Variants in RNF31 observed in about 807,000 individuals in gnomAD.
The protein encoded by RNF31 is ring finger protein 31.
RNF31 carries 38 observed loss-of-function variants against 133.6 expected under a neutral mutation model. The observed-to-expected ratio is 0.28, with a 90% CI of 0.22 to 0.37. The LOEUF is 0.37. Among genes scored for constraint, RNF31 ranks in the 10% least tolerant of loss-of-function variants. RNF31 has a pLI of 1.00. For missense variants in RNF31, 1,118 were observed against 1,394.1 expected, an observed-to-expected ratio of 0.80 and a Z score of 3.15; for synonymous variants, 582 against 552.3, an observed-to-expected ratio of 1.05 and a Z score of -0.75.
At chr14:24,152,572 C>T (rs1372420069) in intron 11 of RNF31, among the ~76,000 whole-genome samples, 2 of 134,476 alleles carry the variant, frequency 1.5e-5, no homozygotes, top group East Asian at 4.8e-4. Flanking sequence ...GCACCCGCCA[C>T]CACACTCGGC....
chr14:24,158,000 A>G lies in RNF31; in HGVS notation c.2830A>G (p.Lys944Glu). The G allele has an allele frequency of 6.2e-7, 1 of 1,614,100 alleles. No individual in the cohort carries two copies. Among genetic ancestry groups the G allele is most frequent in the African/African-American group, 1.3e-5 (1 of 75,040 alleles). The change falls in exon 17 of 21, where the codon AAG becomes GAG. Residue 944 changes from lysine to glutamate, a missense_variant. Transcript: ENST00000324103. ...LRDWTALRLQKLLQDNNVMFN... is the reference protein window; with the variant it reads ...LRDWTALRLQELLQDNNVMFN... The stretch of plus-strand genomic sequence containing the variant: ...GGACTGGACTGCTCTCCGGCTTCAG[A>G]AGCTGCTACAGGTCAGAGGTGGCCA...
Position 24,148,855 on chromosome 14 carries a change from C to G in RNF31, c.610C>G (p.Leu204Val). 1 of 1,614,158 alleles carries G rather than the reference C, an allele frequency of 6.2e-7. No homozygotes were observed. The highest frequency in any genetic ancestry group is 8.5e-7 in the Non-Finnish European group (1 of 1,179,974). ...PLLREIAPGP[L>V]TTPSVPGSTP... ...ATTGAGAGAGATTGCTCCTGGCCCC[C>G]TCACCACACCCTCTGTCCCAGGTAT... is the stretch of plus-strand genomic sequence containing the variant. The change falls in exon 5 of 21, where the codon CTC becomes GTC. Residue 204 changes from leucine (L) to valine (V), a missense_variant. This residue lies in a region of RNF31 where 747 missense variants were observed against 827.9 expected (regional missense o/e 0.90). Transcript: ENST00000324103.
chr14:24,159,604 A>AC (rs2038413081), intron 18 of RNF31, among the ~76,000 whole-genome samples: 2 of 147,868 alleles, frequency 1.4e-5, no homozygotes, highest in Admixed American at 6.7e-5. Flanking sequence ...AAAAAAAAAA[A>AC]AACACTATCT....
At chr14:24,149,082 G>A (rs1451623580) in intron 5 of RNF31, 7 of 617,408 alleles carry the variant, frequency 1.1e-5, no homozygotes, top group Admixed American at 2.8e-5. Context: ...TCCTGCCTCA[G>A]CCTCCCGAGT....
intron 16 of RNF31, 82 bp from the exon 17 acceptor site, chr14:24,157,816 T>TA (rs2038368398): frequency 8.2e-7 from 1 of 1,226,498 alleles, no homozygotes; most frequent in Admixed American, 1.7e-5. Flanking sequence ...CCCTCACCCT[T>TA]ACACCCCTCA....
intron 11 of RNF31, among the ~76,000 whole-genome samples, chr14:24,152,286 G>A (rs1261441108): frequency 6.6e-6 from 1 of 152,086 alleles, no homozygotes; most frequent in East Asian, 1.9e-4. Context: ...TCAAGCTTCA[G>A]CAATTGTCAA....
At chr14:24,150,008 G>A in intron 6 of RNF31, 53 bp from the exon 7 acceptor site, 1 of 1,514,278 alleles carries the variant, frequency 6.6e-7, no homozygotes, top group Non-Finnish European at 8.8e-7. Flanking sequence ...AGAGGTGAGG[G>A]ATCCAGGCAC....
At chr14:24,154,886 C>T (rs1414045530) in intron 11 of RNF31, 6 of 485,984 alleles carry the variant, frequency 1.2e-5, no homozygotes, top group East Asian at 7.1e-5. Flanking sequence ...TTTGTCATTT[C>T]AAGCATGTTA....
At chr14:24,158,529 T>G in intron 18 of RNF31, 1 of 368,928 alleles carries the variant, frequency 2.7e-6, no homozygotes, top group Non-Finnish European at 5.0e-6. Flanking sequence ...CTGTTTTAGG[T>G]TCCATGAGGG....
rs199632413 is a variant in RNF31 at position 24,151,757 on chromosome 14, T to A, written c.1924-29T>A. On this transcript the variant is annotated intron_variant, in intron 10 of 20. Coordinates refer to ENST00000324103, the MANE Select transcript of RNF31 (RefSeq NM_017999.5). This position sits in a 1 kb window ranked among gnomAD's most constrained non-coding sequence, Gnocchi z 5.3. ...AAGGGTCCCTGGAGTCTGACAGCAC[T>A]TCCCCCCTCCACCTGAATCATATTG... 1.0e-4 allele frequency: 164 copies of A among 1,600,782 alleles called. 1 individual carries two copies. The Admixed American group carries it at 2.7e-3, about 26-fold the overall frequency.
In RNF31 at chr14:24,160,284, G is replaced by A. The variant is rs760202729; in HGVS notation, c.3042G>A (p.Ser1014=). Residue 1014 remains serine, a synonymous_variant, in exon 20 of 21, where the codon TCG becomes TCA. Coordinates refer to ENST00000324103, the MANE Select transcript of RNF31 (RefSeq NM_017999.5). The surrounding 1 kb of genome is among the most constrained non-coding windows in gnomAD (Gnocchi z 4.0). ...EYLVSLINAH[S]LDPATLYEVE... ...TTGTGAGCCTCATCAATGCCCACTC[G>A]CTGGACCCAGCCACCTTGTATGAGG... is the stretch of plus-strand genomic sequence containing the variant. 71 of 1,613,960 alleles carry A rather than the reference G, an allele frequency of 4.4e-5. No individual in the cohort carries two copies. Among genetic ancestry groups the A allele is most frequent in the Non-Finnish European group, 5.5e-5 (65 of 1,180,014 alleles).
intron 18 of RNF31, chr14:24,158,863 C>G (rs1193901662): frequency 1.3e-5 from 2 of 151,238 alleles, no homozygotes; most frequent in African/African-American, 4.9e-5. Context: ...GAAACCCCAT[C>G]TCTACTAAAA....
intron 7 of RNF31, 49 bp from the exon 8 acceptor site, chr14:24,150,549 G>A (rs2038248518): frequency 6.3e-7 from 1 of 1,584,010 alleles, no homozygotes; most frequent in East Asian, 2.2e-5. Context: ...TATTTCTGTT[G>A]TGAACTTCAG....
At chr14:24,149,710 GA>G (rs1299582134) in intron 6 of RNF31, 127 bp downstream of exon 6, 2 of 969,604 alleles carry the variant, frequency 2.1e-6, no homozygotes, top group Admixed American at 5.4e-5. Context: ...TCAGAACCCT[GA>G]AAGAGATAAT....
At chr14:24,149,141 T>G in intron 5 of RNF31, 3 of 593,540 alleles carry the variant, frequency 5.1e-6, no homozygotes, top group African/African-American at 1.9e-5. Flanking sequence ...TTTTGTATTT[T>G]TGGTAGAGAT....
At chr14:24,154,339 T>C (rs2038311400) in intron 11 of RNF31, among the ~76,000 whole-genome samples, 1 of 152,092 alleles carries the variant, frequency 6.6e-6, no homozygotes, top group African/African-American at 2.4e-5. Context: ...GTATTTTTAG[T>C]AGAGACGGGT....
Position 24,151,989 on chromosome 14 carries a change from C to T in RNF31, c.2127C>T (p.Asn709=), listed in dbSNP as rs1281965799. 1.2e-6 allele frequency: 2 copies of T among 1,613,666 alleles called. No homozygotes were observed. The highest frequency in any genetic ancestry group is 1.7e-4 in the Middle Eastern group (1 of 6,060). The change falls in exon 11 of 21, where the codon AAC becomes AAT. Residue 709 remains asparagine, a synonymous_variant. Transcript: ENST00000324103. The surrounding 1 kb of genome is among the most constrained non-coding windows in gnomAD (Gnocchi z 5.3). ...CAVCGWALPH[N]RMQALTSCEC... ...TGTGTGGCTGGGCCCTGCCCCACAA[C>T]CGGGTAAGTCCCTCCCCACGATACC...
intron 18 of RNF31, among the ~76,000 whole-genome samples, chr14:24,159,597 A>C (rs868023442): frequency 3.8e-4 from 55 of 146,018 alleles, no homozygotes; most frequent in African/African-American, 1.3e-3. Context: ...AAAAAAAAAA[A>C]AAAAAAAAAC....
chr14:24,157,139 G>A, intron 14 of RNF31, 151 bp from the exon 15 acceptor site: 1 of 595,602 alleles, frequency 1.7e-6, no homozygotes. Context: ...AAAGGACCAA[G>A]GATGGCCTCT....
Sources: allele counts gnomAD v4.1 joint callset (sites outside exome capture counted in the v4.1 genomes callset), GRCh38; gene constraint gnomAD v4.1.1; regional missense constraint gnomAD v4.1.1; non-coding constraint Gnocchi (gnomAD v3.1); transcripts MANE v1.5; gene names NCBI Gene and HGNC (gene_info 2026-07-23, HGNC 2026-07-21).